ARHGAP26: variants seen among roughly 807,000 people sequenced by gnomAD.
ARHGAP26 encodes Rho GTPase activating protein 26, also known as rho GTPase-activating protein 26.
Under a neutral mutation model 104.8 loss-of-function variants are expected in ARHGAP26, and 38 were observed. The ratio of observed to expected loss-of-function variants is 0.36; its 90% CI spans 0.28 to 0.48. ARHGAP26 has a LOEUF of 0.48. ARHGAP26 is among the 20% of genes least tolerant of loss of function. The probability of loss-of-function intolerance (pLI) is 0.99; values close to 1 mark genes in which losing one functional copy is unlikely to be tolerated. For missense variants in ARHGAP26, 704 were observed against 947.9 expected, an observed-to-expected ratio of 0.74 and a Z score of 3.38; for synonymous variants, 341 against 340.0, an observed-to-expected ratio of 1.00 and a Z score of -0.03.
intron 11 of ARHGAP26, among the ~76,000 whole-genome samples, chr5:142,963,179 T>TATATATATATATAC (rs1562164392): frequency 2.9e-4 from 30 of 104,106 alleles, no homozygotes; most frequent in African/African-American, 1.7e-3. Flanking sequence ...TATGTATATA[T>TATATATATATATAC]ATATATATAT....
chr5:143,044,487 C>A (rs552260831), intron 14 of ARHGAP26, among the ~76,000 whole-genome samples: 3 of 151,874 alleles, frequency 2.0e-5, no homozygotes, highest in African/African-American at 7.2e-5. Flanking sequence ...CAGTATGGGG[C>A]CATTCACATG....
At chr5:142,786,642 T>C (rs981037871) in intron 1 of ARHGAP26, among the ~76,000 whole-genome samples, 1 of 149,746 alleles carries the variant, frequency 6.7e-6, no homozygotes, top group Non-Finnish European at 1.5e-5. Flanking sequence ...AACAGATTTC[T>C]GGAGTTCTAG....
intron 1 of ARHGAP26, among the ~76,000 whole-genome samples, chr5:142,810,504 G>A (rs182151354): frequency 1.3e-5 from 2 of 151,764 alleles, no homozygotes; most frequent in African/African-American, 4.8e-5. Flanking sequence ...TTTCTTTTTT[G>A]TGTGTGTAGT....
Position 143,041,855 on chromosome 5 carries a change from A to G in ARHGAP26, c.1250A>G (p.Asn417Ser), listed in dbSNP as rs121918546. ...EQGLYRIVGV[N>S]SRVQKLLSVL... ...GGGCTGTATCGAATTGTGGGTGTCAACTCCAGAGTGCAGAAGTTGCTGAGT... is the reference window on the plus strand; with the variant it reads ...GGGCTGTATCGAATTGTGGGTGTCAGCTCCAGAGTGCAGAAGTTGCTGAGT... The change falls in exon 14 of 23, where the codon AAC becomes AGC. Residue 417 changes from asparagine to serine, a missense_variant. This residue lies in a region of ARHGAP26 where 287 missense variants were observed against 438.8 expected (regional missense o/e 0.65). Coordinates refer to ENST00000645722, the MANE Select transcript of ARHGAP26 (RefSeq NM_001135608.3). 16 of 1,602,394 alleles carry G rather than the reference A, an allele frequency of 1.0e-5. No individual in the cohort carries two copies. In the African/African-American group the frequency reaches 1.3e-4, roughly 13 times the overall value.
rs766752681 is a variant in ARHGAP26 at position 142,871,330 on chromosome 5, A to G, written c.155-2070A>G. Among the ~76,000 whole-genome samples the G allele has an allele frequency of 2.4e-4, 37 of 152,252 alleles. No homozygotes were observed. The highest frequency in any genetic ancestry group is 4.8e-4 in the Non-Finnish European group (33 of 68,044). The stretch of plus-strand genomic sequence containing the variant: ...CCAGCCACTCCCTGATCCTCCTGGC[A>G]GCTGCCCTTGGCAGTGCGGCTTTTC... On this transcript the variant is annotated intron_variant, in intron 1 of 22. Transcript: ENST00000645722. This position sits in a 1 kb window ranked among gnomAD's most constrained non-coding sequence, Gnocchi z 4.1.
At chr5:143,060,383 A>G (rs528730241) in intron 17 of ARHGAP26, among the ~76,000 whole-genome samples, 26 of 152,326 alleles carry the variant, frequency 1.7e-4, no homozygotes, top group African/African-American at 6.3e-4. Flanking sequence ...TCCCTTAGCC[A>G]CAGAGGGAGA....
At chr5:143,191,993 C>T (rs1210538566) in intron 20 of ARHGAP26, among the ~76,000 whole-genome samples, 1 of 152,134 alleles carries the variant, frequency 6.6e-6, no homozygotes, top group Non-Finnish European at 1.5e-5. Context: ...GCAGTCTTAC[C>T]CTTGGTTTCT....
At chr5:142,938,011 A>G (rs934306980) in intron 11 of ARHGAP26, among the ~76,000 whole-genome samples, 2 of 152,150 alleles carry the variant, frequency 1.3e-5, no homozygotes, top group African/African-American at 4.8e-5. Context: ...AACTGCAGCA[A>G]AGTATATGTG....
intron 1 of ARHGAP26, among the ~76,000 whole-genome samples, chr5:142,804,533 C>T (rs1215865259): frequency 6.6e-6 from 1 of 152,152 alleles, no homozygotes; most frequent in Admixed American, 6.5e-5. Context: ...ACTGTGTTGC[C>T]CAGGCTGGAG....
At chr5:143,080,347 A>T (rs1378970743) in intron 17 of ARHGAP26, among the ~76,000 whole-genome samples, 2 of 152,172 alleles carry the variant, frequency 1.3e-5, no homozygotes, top group Non-Finnish European at 2.9e-5. Flanking sequence ...TAAAAAATAG[A>T]AGTATAGACT....
intron 17 of ARHGAP26, among the ~76,000 whole-genome samples, chr5:143,068,827 A>C (rs1787872714): frequency 6.6e-6 from 1 of 152,150 alleles, no homozygotes; most frequent in African/African-American, 2.4e-5. Context: ...CAGGCTTTTT[A>C]TGCACACTAG....
At chr5:143,164,287 C>T (rs1227363264) in intron 20 of ARHGAP26, among the ~76,000 whole-genome samples, 3 of 152,158 alleles carry the variant, frequency 2.0e-5, no homozygotes, top group Non-Finnish European at 4.4e-5. Context: ...CTGTGCCTTG[C>T]CATGGGTCAG....
At chr5:142,915,242 G>A (rs1279631640) in intron 10 of ARHGAP26, among the ~76,000 whole-genome samples, 1 of 152,074 alleles carries the variant, frequency 6.6e-6, no homozygotes, top group Non-Finnish European at 1.5e-5. Context: ...GTCACATTCA[G>A]CATACTGAGT....
At chr5:143,000,504 T>C (rs1777040169) in intron 11 of ARHGAP26, among the ~76,000 whole-genome samples, 1 of 152,338 alleles carries the variant, frequency 6.6e-6, no homozygotes, top group African/African-American at 2.4e-5. Flanking sequence ...TTATGCTGAG[T>C]GCAATCCCAT....
chr5:142,854,464 T>G (rs1034384824), intron 1 of ARHGAP26, among the ~76,000 whole-genome samples: 1 of 152,326 alleles, frequency 6.6e-6, no homozygotes, highest in South Asian at 2.1e-4. Flanking sequence ...GTTCAGTGTC[T>G]TATTCTCCAT....
chr5:142,951,275 A>G (rs1768344865), intron 11 of ARHGAP26, among the ~76,000 whole-genome samples: 1 of 152,036 alleles, frequency 6.6e-6, no homozygotes, highest in African/African-American at 2.4e-5. Context: ...GGCCAGGCTG[A>G]TCTCCAACTT....
intron 11 of ARHGAP26, among the ~76,000 whole-genome samples, chr5:142,963,187 T>TATATATACAC (rs1770638018): frequency 1.0e-4 from 10 of 96,200 alleles, no homozygotes; most frequent in Middle Eastern, 4.7e-3. Context: ...TATATATATA[T>TATATATACAC]ATATATATAT....
chr5:143,114,785 A>G (rs548705605), intron 17 of ARHGAP26, among the ~76,000 whole-genome samples: 2 of 152,278 alleles, frequency 1.3e-5, no homozygotes, highest in East Asian at 1.9e-4. Context: ...TGGTGTAGAA[A>G]TGTCCCATGG....
intron 1 of ARHGAP26, among the ~76,000 whole-genome samples, chr5:142,842,263 C>T (rs1019763399): frequency 6.6e-6 from 1 of 152,154 alleles, no homozygotes; most frequent in Admixed American, 6.5e-5. Context: ...ACCAACATTT[C>T]AAGAATTTTT....
Sources: allele counts gnomAD v4.1 joint callset (sites outside exome capture counted in the v4.1 genomes callset), GRCh38; gene constraint gnomAD v4.1.1; regional missense constraint gnomAD v4.1.1; non-coding constraint Gnocchi (gnomAD v3.1); transcripts MANE v1.5; gene names NCBI Gene and HGNC (gene_info 2026-07-23, HGNC 2026-07-21).